GPHN: variants seen among roughly 807,000 people sequenced by gnomAD.
The protein encoded by GPHN is gephyrin.
In GPHN, 17 loss-of-function variants were observed where a neutral mutation model predicts 95.5. The observed-to-expected ratio is 0.18, with a 90% CI of 0.12 to 0.27. The LOEUF (loss-of-function observed/expected upper bound fraction) is 0.27, where lower values mean the gene tolerates loss of function less well. GPHN is among the 10% of genes least tolerant of loss of function. The probability of loss-of-function intolerance (pLI) is 1.00; values close to 1 mark genes in which losing one functional copy is unlikely to be tolerated. For synonymous variants in GPHN, 320 were observed against 322.5 expected, an observed-to-expected ratio of 0.99 and a Z score of 0.08; for missense variants, 660 against 978.1, an observed-to-expected ratio of 0.67 and a Z score of 4.34.
In GPHN at chr14:67,111,611, T is replaced by C. The variant is rs540297644; in HGVS notation, c.1414-250T>C. On this transcript the variant is annotated intron_variant, in intron 14 of 22. Coordinates refer to ENST00000478722, the MANE Select transcript of GPHN (RefSeq NM_020806.5). ...TAAATCTTATAAACAAGATTTAATA[T>C]TTGAATTGGTACATTTTTTAAAAGC... Among the ~76,000 whole-genome samples, 4 of 152,160 alleles carry C rather than the reference T, an allele frequency of 2.6e-5. No individual in the cohort carries two copies. In the East Asian group the frequency reaches 7.7e-4, roughly 29 times the overall value.
At chr14:66,752,467 T>G (rs1030709121) in intron 2 of GPHN, among the ~76,000 whole-genome samples, 6 of 152,038 alleles carry the variant, frequency 3.9e-5, no homozygotes, top group Admixed American at 6.6e-5. Flanking sequence ...ACGATGTTGT[T>G]TCTCAAGGAA....
At chr14:66,624,518 C>G (rs956079784) in intron 1 of GPHN, among the ~76,000 whole-genome samples, 22 of 152,224 alleles carry the variant, frequency 1.4e-4, no homozygotes, top group Admixed American at 1.4e-3. Context: ...ATGGTGTCCA[C>G]TGGGTGGCAG....
At chr14:67,517,311 G>A in the GPHN span, among the ~76,000 whole-genome samples, 3 of 152,186 alleles carry the variant, frequency 2.0e-5, no homozygotes, top group Non-Finnish European at 4.4e-5. Context: ...GCAGCATTGC[G>A]CAGAGGAAAG....
At chr14:66,946,897 A>G (rs1303557959) in intron 8 of GPHN, among the ~76,000 whole-genome samples, 2 of 152,150 alleles carry the variant, frequency 1.3e-5, no homozygotes, top group Non-Finnish European at 2.9e-5. Context: ...ATCATCTATC[A>G]TCTTTCACCT....
At chr14:66,668,875 TG>T (rs1179024601) in intron 1 of GPHN, among the ~76,000 whole-genome samples, 7 of 151,014 alleles carry the variant, frequency 4.6e-5, no homozygotes, top group Non-Finnish European at 8.9e-5. Flanking sequence ...ACTTTCCTGC[TG>T]TTTTTTTTTT....
the GPHN span, among the ~76,000 whole-genome samples, chr14:67,424,899 T>C: frequency 6.6e-6 from 1 of 152,262 alleles, no homozygotes; most frequent in African/African-American, 2.4e-5. Context: ...CAGACCCAGT[T>C]TCCCTCAGTT....
the GPHN span, among the ~76,000 whole-genome samples, chr14:67,496,409 T>TTTTTG: frequency 1.7e-4 from 23 of 133,140 alleles, 1 homozygote; most frequent in Non-Finnish European, 3.2e-4. Context: ...TTTTTTTTTT[T>TTTTTG]TTTTTTTTTT....
At chr14:67,496,382 T>A in the GPHN span, among the ~76,000 whole-genome samples, 2 of 128,964 alleles carry the variant, frequency 1.6e-5, no homozygotes, top group Non-Finnish European at 3.2e-5. Context: ...TGTGAGCCAC[T>A]GCTCCGGCGT....
chr14:67,660,504 T>C, the GPHN span, among the ~76,000 whole-genome samples: 3 of 152,212 alleles, frequency 2.0e-5, no homozygotes, highest in South Asian at 2.1e-4. Context: ...CCTGGTATGA[T>C]TGAACATTGC....
chr14:67,529,072 A>G, the GPHN span, among the ~76,000 whole-genome samples: 1 of 151,942 alleles, frequency 6.6e-6, no homozygotes, highest in Non-Finnish European at 1.5e-5. Context: ...TACACCTTCA[A>G]GTTCCCTCCT....
chr14:67,312,674 G>A, the GPHN span: 2 of 1,611,902 alleles, frequency 1.2e-6, no homozygotes, highest in South Asian at 1.1e-5. Context: ...CAGGGAAGGG[G>A]ACGAAGATAA....
At chr14:66,563,436 A>G (rs985610623) in intron 1 of GPHN, among the ~76,000 whole-genome samples, 2 of 152,150 alleles carry the variant, frequency 1.3e-5, no homozygotes, top group Non-Finnish European at 2.9e-5. Flanking sequence ...TTTCATCTTA[A>G]TGACTTCACT....
the GPHN span, among the ~76,000 whole-genome samples, chr14:67,188,801 C>CCTTG: frequency 6.6e-6 from 1 of 151,590 alleles, no homozygotes; most frequent in Non-Finnish European, 1.5e-5. Flanking sequence ...TTCCTTCCTT[C>CCTTG]CTTCTTCCTT....
At chr14:67,613,444 T>C in the GPHN span, 1 of 152,502 alleles carries the variant, frequency 6.6e-6, no homozygotes, top group East Asian at 1.9e-4. Context: ...GTGGAGGATT[T>C]CTTGAGCCAG....
the GPHN span, among the ~76,000 whole-genome samples, chr14:67,371,512 T>C: frequency 6.6e-6 from 1 of 152,166 alleles, no homozygotes; most frequent in Admixed American, 6.5e-5. Context: ...AAATGTCTTA[T>C]CATGCAAATT....
chr14:67,340,272 G>T, the GPHN span: 1 of 594,518 alleles, frequency 1.7e-6, no homozygotes, highest in Non-Finnish European at 2.9e-6. Context: ...AAATTTGACA[G>T]ATTTGTTTCC....
chr14:67,579,896 CCAGCTG>C, the GPHN span: 8 of 1,578,156 alleles, frequency 5.1e-6, no homozygotes, highest in African/African-American at 1.1e-4. Flanking sequence ...TCCCACTAAG[CCAGCTG>C]AGCCCCTCCC....
intron 8 of GPHN, among the ~76,000 whole-genome samples, chr14:66,958,488 A>C (rs1426685791): frequency 1.3e-5 from 2 of 152,220 alleles, no homozygotes; most frequent in Non-Finnish European, 2.9e-5. Flanking sequence ...AATGTCACAG[A>C]GTGAGTATAA....
the GPHN span, chr14:67,591,853 T>C: frequency 3.3e-5 from 5 of 151,946 alleles, no homozygotes; most frequent in Admixed American, 2.6e-4. Flanking sequence ...TTTTTTTTTT[T>C]TGTAAGAGCA....
Sources: gnomAD v4.1 joint callset for allele counts (sites outside exome capture counted in the v4.1 genomes callset) on GRCh38, gnomAD v4.1.1 for gene constraint, MANE v1.5 for transcripts, NCBI Gene and HGNC (gene_info 2026-07-23, HGNC 2026-07-21) for gene names.